The following TGFBR3 variants were observed in gnomAD, a reference collection of about 807,000 sequenced individuals.
TGFBR3 encodes the protein transforming growth factor beta receptor type 3.
Under a neutral mutation model 87.9 loss-of-function variants are expected in TGFBR3, and 46 were observed. The ratio of observed to expected loss-of-function variants is 0.52; its 90% CI spans 0.41 to 0.67. TGFBR3 has a LOEUF of 0.67. TGFBR3 is among the 30% of genes least tolerant of loss of function. TGFBR3 has a pLI of 0.00. For synonymous variants in TGFBR3, 381 were observed against 391.6 expected (o/e 0.97, Z 0.32); for missense variants, 866 against 1,041.9 (o/e 0.83, Z 2.32).
At chr1:91,758,843 A>C in intron 3 of TGFBR3, 93 bp from the exon 4 acceptor site, 3 of 1,470,892 alleles carry the variant, frequency 2.0e-6, no homozygotes, top group Non-Finnish European at 2.8e-6. Flanking sequence ...TTTGCAACTC[A>C]CTATCAACAG....
At position 91,753,390 on chromosome 1, in the gene TGFBR3, CAAAAAAAAAAAA is replaced by C. The variant is rs71586711; in HGVS notation, c.384+5211_384+5222del. Among the ~76,000 whole-genome samples the C allele has an allele frequency of 7.6e-5, 4 of 52,354 alleles. No individual in the cohort carries two copies. In the South Asian group the frequency reaches 2.8e-3, roughly 37 times the overall value. 34.3% of individuals were successfully genotyped at this position (52,354 alleles called of 152,430 possible). A position where few individuals can be genotyped will look rare whatever the true frequency, so the allele number is the denominator to read the frequency against. ...GAGTAAGGGAGTGAGACTCTGTCCTCAAAAAAAAAAAAAAAAAAAAAAAAAAAAGTGCTGCAG... is the reference window on the plus strand; with the variant it reads ...GAGTAAGGGAGTGAGACTCTGTCCTCAAAAAAAAAAAAAAAAGTGCTGCAG... On this transcript the variant is annotated intron_variant, in intron 4 of 16. Transcript: ENST00000212355.
chr1:91,891,358 C>A (rs554942786), intron 2 of TGFBR3, among the ~76,000 whole-genome samples: 2 of 151,890 alleles, frequency 1.3e-5, no homozygotes, highest in South Asian at 4.2e-4. Context: ...ATTAGCTAGG[C>A]GTGAGGGTAT....
At chr1:91,738,531 G>A (rs1034385838) in intron 4 of TGFBR3, among the ~76,000 whole-genome samples, 7 of 152,104 alleles carry the variant, frequency 4.6e-5, no homozygotes, top group African/African-American at 1.7e-4. Flanking sequence ...TCTCTCTCTT[G>A]CTCCTGCTTT....
At chr1:91,748,263 T>C (rs1026602462) in intron 4 of TGFBR3, among the ~76,000 whole-genome samples, 1 of 152,184 alleles carries the variant, frequency 6.6e-6, no homozygotes, top group African/African-American at 2.4e-5. Context: ...TCTCTGAAGA[T>C]GATCAAGGTG....
At chr1:91,718,079 CA>C (rs1672239226) in intron 10 of TGFBR3, among the ~76,000 whole-genome samples, 1 of 151,946 alleles carries the variant, frequency 6.6e-6, no homozygotes, top group Non-Finnish European at 1.5e-5. Context: ...ATTTGAGTAA[CA>C]AAAGGAGATT....
intron 2 of TGFBR3, among the ~76,000 whole-genome samples, chr1:91,899,313 T>G (rs1206568347): frequency 6.6e-6 from 1 of 152,186 alleles, no homozygotes; most frequent in South Asian, 2.1e-4. Flanking sequence ...AGCCCAGGAA[T>G]TCAGCAACAT....
intron 2 of TGFBR3, among the ~76,000 whole-genome samples, chr1:91,896,922 T>A (rs1206757238): frequency 2.0e-5 from 3 of 149,702 alleles, no homozygotes; most frequent in Admixed American, 6.7e-5. Flanking sequence ...TTTCTTTTCT[T>A]TTTTTTTTTT....
intron 13 of TGFBR3, among the ~76,000 whole-genome samples, chr1:91,711,224 A>C (rs1369782225): frequency 6.6e-6 from 1 of 152,166 alleles, no homozygotes; most frequent in Non-Finnish European, 1.5e-5. Context: ...AGTCTAAATC[A>C]CTGTATATGT....
At chr1:91,871,659 T>C (rs1447725645) in intron 1 of TGFBR3, among the ~76,000 whole-genome samples, 2 of 152,018 alleles carry the variant, frequency 1.3e-5, no homozygotes, top group Admixed American at 1.3e-4. Flanking sequence ...GATAAAGCTA[T>C]GACAATATCT....
intron 2 of TGFBR3, among the ~76,000 whole-genome samples, chr1:91,815,359 A>G (rs1170633077): frequency 2.0e-5 from 3 of 151,674 alleles, no homozygotes; most frequent in Non-Finnish European, 4.4e-5. Context: ...GTCCTGTCCT[A>G]GCTAATCCTC....
intron 4 of TGFBR3, among the ~76,000 whole-genome samples, chr1:91,754,598 C>T (rs17131550): frequency 0.17 from 25,454 of 152,104 alleles, 2,254 homozygotes; most frequent in East Asian, 0.25. Context: ...ATCCCACTTT[C>T]TCCCTGCCTG....
At chr1:91,820,861 T>C (rs998794940) in intron 2 of TGFBR3, among the ~76,000 whole-genome samples, 8 of 152,236 alleles carry the variant, frequency 5.3e-5, no homozygotes, top group Non-Finnish European at 2.9e-5. Context: ...TTTGTCCATA[T>C]GCATGCACAT....
At chr1:91,809,381 G>T (rs1162475719) in intron 2 of TGFBR3, among the ~76,000 whole-genome samples, 1 of 152,210 alleles carries the variant, frequency 6.6e-6, no homozygotes, top group East Asian at 1.9e-4. Context: ...TTCTGTTAGG[G>T]CTGGTGGCCA....
At chr1:91,886,422 C>A, upstream of TGFBR3, 1 of 328,826 alleles carries the variant, frequency 3.0e-6, no homozygotes, top group Non-Finnish European at 6.0e-6. Context: ...AGAGAAGGGG[C>A]TAGGGGCGCG....
At chr1:91,746,461 G>A (rs551755086) in intron 4 of TGFBR3, among the ~76,000 whole-genome samples, 1 of 152,196 alleles carries the variant, frequency 6.6e-6, no homozygotes, top group African/African-American at 2.4e-5. Context: ...CCTGATGGAA[G>A]AGCTTACCCC....
intron 3 of TGFBR3, among the ~76,000 whole-genome samples, chr1:91,763,560 C>G (rs1048619667): frequency 4.6e-5 from 7 of 152,218 alleles, no homozygotes; most frequent in African/African-American, 1.7e-4. Context: ...ACATGCTGGT[C>G]TGTATATAGC....
intron 4 of TGFBR3, among the ~76,000 whole-genome samples, chr1:91,743,401 C>G (rs1387457540): frequency 6.6e-6 from 1 of 152,190 alleles, no homozygotes; most frequent in East Asian, 1.9e-4. Context: ...TAAGTCTCAT[C>G]TTAAGTTTCA....
chr1:91,692,786 A>G (rs1671309802), intron 16 of TGFBR3, among the ~76,000 whole-genome samples: 1 of 152,248 alleles, frequency 6.6e-6, no homozygotes. Context: ...CAGTCTTTGT[A>G]GAGTAACACA....
intron 2 of TGFBR3, among the ~76,000 whole-genome samples, chr1:91,844,052 G>A (rs1571565858): frequency 6.6e-6 from 1 of 152,132 alleles, no homozygotes; most frequent in Non-Finnish European, 1.5e-5. Context: ...TCCAATCTTT[G>A]GGTTCCAAGA....
Sources: allele counts gnomAD v4.1 joint callset (sites outside exome capture counted in the v4.1 genomes callset), GRCh38; gene constraint gnomAD v4.1.1; transcripts MANE v1.5; gene names NCBI Gene and HGNC (gene_info 2026-07-23, HGNC 2026-07-21).